Variants in RANBP2 observed in about 807,000 individuals in gnomAD.
RANBP2 encodes the protein RAN binding protein 2.
Under a neutral mutation model 303.6 loss-of-function variants are expected in RANBP2, and 57 were observed. The observed-to-expected ratio is 0.19, with a 90% CI of 0.15 to 0.23. The LOEUF (loss-of-function observed/expected upper bound fraction) is 0.23, where lower values mean the gene tolerates loss of function less well. RANBP2 is among the 10% of genes least tolerant of loss of function. RANBP2 has a pLI of 1.00. For synonymous variants in RANBP2, 1,167 were observed against 1,301.5 expected (o/e 0.90, Z 2.23); for missense variants, 3,138 against 3,780.8 (o/e 0.83, Z 4.46).
the RANBP2 span, among the ~76,000 whole-genome samples, chr2:109,605,916 G>T: frequency 1.3e-5 from 2 of 152,152 alleles, no homozygotes; most frequent in African/African-American, 4.8e-5. Flanking sequence ...TGTTAAGAAG[G>T]CTGTTAGAAT....
At chr2:109,071,477 C>T in the RANBP2 span, among the ~76,000 whole-genome samples, 1 of 152,088 alleles carries the variant, frequency 6.6e-6, no homozygotes, top group Non-Finnish European at 1.5e-5. Context: ...AGTTCAAGAC[C>T]AGCCTGGCCA....
the RANBP2 span, among the ~76,000 whole-genome samples, chr2:109,479,990 C>G: frequency 6.6e-6 from 1 of 152,172 alleles, no homozygotes; most frequent in Non-Finnish European, 1.5e-5. Flanking sequence ...TCCCCTGAGG[C>G]CACGCGTCAT....
chr2:109,612,346 T>G, the RANBP2 span, among the ~76,000 whole-genome samples: 3 of 152,172 alleles, frequency 2.0e-5, no homozygotes, highest in African/African-American at 7.2e-5. Context: ...AAAAAGGCAT[T>G]AAGGGATCCT....
chr2:109,171,576 G>A, the RANBP2 span, among the ~76,000 whole-genome samples: 3 of 152,234 alleles, frequency 2.0e-5, no homozygotes, highest in African/African-American at 7.2e-5. Context: ...CGGAGCACAG[G>A]GAGCTATTTC....
At chr2:108,877,802 C>T in the RANBP2 span, among the ~76,000 whole-genome samples, 1 of 152,242 alleles carries the variant, frequency 6.6e-6, no homozygotes, top group East Asian at 1.9e-4. Context: ...CCAGAAAAAC[C>T]TATGAGAAAA....
the RANBP2 span, among the ~76,000 whole-genome samples, chr2:109,357,343 G>T: frequency 3.3e-5 from 5 of 152,000 alleles, no homozygotes; most frequent in South Asian, 1.0e-3. Flanking sequence ...CACCATGCCC[G>T]GATAATTTTG....
chr2:108,863,253 A>C, the RANBP2 span, among the ~76,000 whole-genome samples: 20 of 152,230 alleles, frequency 1.3e-4, no homozygotes, highest in Admixed American at 9.8e-4. Context: ...TTATAGATGC[A>C]ATATTTCTAA....
At chr2:109,022,160 C>T in the RANBP2 span, among the ~76,000 whole-genome samples, 1 of 152,230 alleles carries the variant, frequency 6.6e-6, no homozygotes, top group South Asian at 2.1e-4. Context: ...TAGCCTGTAT[C>T]CAGGGGCAGT....
the RANBP2 span, among the ~76,000 whole-genome samples, chr2:109,082,520 C>T: frequency 2.1e-4 from 32 of 151,990 alleles, no homozygotes; most frequent in Admixed American, 2.6e-4. Context: ...AGGCTAGTGT[C>T]GATCTCCTGA....
chr2:109,404,032 A>T, the RANBP2 span, among the ~76,000 whole-genome samples: 1 of 152,136 alleles, frequency 6.6e-6, no homozygotes, highest in Non-Finnish European at 1.5e-5. Flanking sequence ...CAGGCACCAG[A>T]CACATCATCT....
At chr2:109,657,751 A>C in the RANBP2 span, among the ~76,000 whole-genome samples, 1 of 114,468 alleles carries the variant, frequency 8.7e-6, no homozygotes, top group Admixed American at 1.3e-4. Context: ...ATGGAGTCTC[A>C]CTCTGTTGCC....
intron 7 of RANBP2, among the ~76,000 whole-genome samples, chr2:108,742,004 T>C (rs1263307315): frequency 1.3e-5 from 2 of 151,978 alleles, no homozygotes; most frequent in Non-Finnish European, 2.9e-5. Context: ...ATAAATCTTT[T>C]TTTCTTTTTG....
At chr2:109,366,946 T>A in the RANBP2 span, among the ~76,000 whole-genome samples, 1 of 152,096 alleles carries the variant, frequency 6.6e-6, no homozygotes, top group Non-Finnish European at 1.5e-5. Context: ...TGGGATTCGT[T>A]TTTTGAATTT....
At chr2:108,837,105 G>C in the RANBP2 span, among the ~76,000 whole-genome samples, 2 of 152,114 alleles carry the variant, frequency 1.3e-5, no homozygotes, top group African/African-American at 4.8e-5. Flanking sequence ...GTGAGGGTGT[G>C]CTTGTCTTGT....
intron 8 of RANBP2, among the ~76,000 whole-genome samples, chr2:108,747,148 T>C (rs1436118090): frequency 1.3e-5 from 2 of 152,172 alleles, no homozygotes; most frequent in Non-Finnish European, 2.9e-5. Context: ...GCTGTGGGGA[T>C]ATAAAGATGA....
At chr2:109,646,657 A>ATTTTTTTTTTTTTTTTT in the RANBP2 span, among the ~76,000 whole-genome samples, 2 of 119,016 alleles carry the variant, frequency 1.7e-5, no homozygotes, top group Non-Finnish European at 1.7e-5. Context: ...ATGACTGGCT[A>ATTTTTTTTTTTTTTTTT]TTTTTTTTTT....
At chr2:109,419,767 T>C in the RANBP2 span, 6 of 837,302 alleles carry the variant, frequency 7.2e-6, no homozygotes, top group Admixed American at 1.3e-4. Context: ...AGTATAGTTA[T>C]GTGCGTCTAA....
the RANBP2 span, among the ~76,000 whole-genome samples, chr2:109,261,852 GC>G: frequency 6.6e-6 from 1 of 152,128 alleles, no homozygotes; most frequent in Admixed American, 6.5e-5. Flanking sequence ...ACTGAGGCTT[GC>G]CTTTTTTTTT....
chr2:109,659,687 A>G, the RANBP2 span, among the ~76,000 whole-genome samples: 2 of 152,160 alleles, frequency 1.3e-5, no homozygotes, highest in Non-Finnish European at 2.9e-5. Flanking sequence ...AGAAAAGAAA[A>G]CAAATCAGCG....
Sources: allele counts gnomAD v4.1 joint callset (sites outside exome capture counted in the v4.1 genomes callset), GRCh38; gene constraint gnomAD v4.1.1; transcripts MANE v1.5; gene names NCBI Gene and HGNC (gene_info 2026-07-23, HGNC 2026-07-21).